Variants in SCD5 observed in about 807,000 individuals in gnomAD.
The protein encoded by SCD5 is acyl-CoA-desaturase 4.
In SCD5, 20 loss-of-function variants were observed where a neutral mutation model predicts 30.4. That is an observed-to-expected ratio of 0.66 (90% CI 0.46 to 0.96). The LOEUF is 0.96. Ranked by LOEUF, SCD5 falls within the 40% of genes least tolerant of loss-of-function variation. The pLI is 0.00. For synonymous variants in SCD5, 173 were observed against 176.4 expected (o/e 0.98, Z 0.16); for missense variants, 381 against 443.3 (o/e 0.86, Z 1.26).
chr4:82,669,865 G>A lies in SCD5; in HGVS notation c.569+10842C>T, dbSNP rs138381693. 2.7e-3 allele frequency among the ~76,000 whole-genome samples: 408 copies of A among 152,270 alleles called. 1 individual carries two copies. The highest frequency in any genetic ancestry group is 0.022 in the Admixed American group (344 of 15,294). ...TATTTAGAGCCTAACCAACCTGGGGGAGGGAAAATACTCAACTCCAGCCCA... is the reference window on the plus strand; with the variant it reads ...TATTTAGAGCCTAACCAACCTGGGGAAGGGAAAATACTCAACTCCAGCCCA... On this transcript the variant is annotated intron_variant, in intron 3 of 4. Coordinates refer to ENST00000319540, the MANE Select transcript of SCD5 (RefSeq NM_001037582.3).
chr4:82,728,098 G>C (rs1000411310), intron 1 of SCD5, among the ~76,000 whole-genome samples: 27 of 151,990 alleles, frequency 1.8e-4, no homozygotes, highest in Admixed American at 5.9e-4. Flanking sequence ...GTTAGCCTGG[G>C]TGACAGAGTG....
At chr4:82,790,074 G>C (rs1229366667) in intron 1 of SCD5, among the ~76,000 whole-genome samples, 1 of 152,096 alleles carries the variant, frequency 6.6e-6, no homozygotes, top group African/African-American at 2.4e-5. Context: ...CCTGAGGCAG[G>C]CACTCAGCCC....
chr4:82,634,478 C>T (rs764766166), intron 4 of SCD5, among the ~76,000 whole-genome samples: 2 of 129,266 alleles, frequency 1.5e-5, no homozygotes, highest in Non-Finnish European at 3.6e-5. Flanking sequence ...CTACCCTGCA[C>T]ACCACCTCCC....
At chr4:82,678,039 C>T (rs1165989275) in intron 3 of SCD5, among the ~76,000 whole-genome samples, 1 of 152,032 alleles carries the variant, frequency 6.6e-6, no homozygotes, top group East Asian at 1.9e-4. Context: ...TATTCCTCTA[C>T]CTTAATCATT....
chr4:82,770,692 T>C (rs1025262346), intron 1 of SCD5, among the ~76,000 whole-genome samples: 1 of 152,254 alleles, frequency 6.6e-6, no homozygotes, highest in Non-Finnish European at 1.5e-5. Flanking sequence ...CCTTGGCTCT[T>C]ACCGTTCCTA....
Position 82,736,361 on chromosome 4 carries a change from CA to C in SCD5, c.233-30949del, listed in dbSNP as rs1209992894. Among the ~76,000 whole-genome samples the C allele has an allele frequency of 8.9e-3, 1,350 of 152,100 alleles. 21 individuals carry two copies. The highest frequency in any genetic ancestry group is 0.031 in the African/African-American group (1,300 of 41,484). ...CAGTGGCTCACATCTGTAATCCCAG[CA>C]CTTTGAGAGGCTGAGGCAGGTGGAT... is the stretch of plus-strand genomic sequence containing the variant. On this transcript the variant is annotated intron_variant, in intron 1 of 4. Coordinates refer to ENST00000319540, the MANE Select transcript of SCD5 (RefSeq NM_001037582.3).
intron 1 of SCD5, among the ~76,000 whole-genome samples, chr4:82,790,366 G>A (rs908999302): frequency 6.6e-6 from 1 of 152,166 alleles, no homozygotes; most frequent in Non-Finnish European, 1.5e-5. Flanking sequence ...CCTCCAGCAC[G>A]TCTCCCTCTC....
At chr4:82,721,500 T>C (rs191487625) in intron 1 of SCD5, among the ~76,000 whole-genome samples, 2 of 151,952 alleles carry the variant, frequency 1.3e-5, no homozygotes, top group Non-Finnish European at 2.9e-5. Flanking sequence ...GACGTGGAGG[T>C]AGGGTGTTTA....
chr4:82,730,526 G>A (rs1720614031), intron 1 of SCD5, among the ~76,000 whole-genome samples: 1 of 149,442 alleles, frequency 6.7e-6, no homozygotes, highest in South Asian at 2.1e-4. Flanking sequence ...TTGATCTCCT[G>A]ACATCATGAT....
chr4:82,650,859 T>C (rs2148814690), intron 3 of SCD5, among the ~76,000 whole-genome samples: 1 of 151,754 alleles, frequency 6.6e-6, no homozygotes, highest in Admixed American at 6.6e-5. Context: ...ATAAAATATA[T>C]GCATATTTGT....
intron 1 of SCD5, among the ~76,000 whole-genome samples, chr4:82,767,458 A>T (rs1721517314): frequency 6.6e-6 from 1 of 152,132 alleles, no homozygotes; most frequent in African/African-American, 2.4e-5. Context: ...CTATCAGGGC[A>T]ATTGTAGGCT....
chr4:82,702,058 T>C (rs1301211651), intron 2 of SCD5, among the ~76,000 whole-genome samples: 1 of 149,340 alleles, frequency 6.7e-6, no homozygotes, highest in African/African-American at 2.5e-5. Flanking sequence ...CTTTGCTGAA[T>C]ACAAGCGTTC....
chr4:82,655,309 G>A (rs935128903), intron 3 of SCD5, among the ~76,000 whole-genome samples: 1 of 152,122 alleles, frequency 6.6e-6, no homozygotes, highest in South Asian at 2.1e-4. Flanking sequence ...TCACAGGTAT[G>A]AACAAAGCAA....
At chr4:82,796,628 T>G (rs933499827) in intron 1 of SCD5, among the ~76,000 whole-genome samples, 3 of 152,054 alleles carry the variant, frequency 2.0e-5, no homozygotes, top group Non-Finnish European at 2.9e-5. Context: ...AGATAATATT[T>G]TAAGTGCTCA....
intron 1 of SCD5, chr4:82,753,549 G>C (rs1394814363): frequency 1.4e-5 from 6 of 415,852 alleles, no homozygotes; most frequent in Non-Finnish European, 3.0e-5. Context: ...TGCGGGGAAG[G>C]GTTTCAGGTT....
At chr4:82,652,747 T>C (rs1209684183) in intron 3 of SCD5, among the ~76,000 whole-genome samples, 1 of 152,218 alleles carries the variant, frequency 6.6e-6, no homozygotes, top group African/African-American at 2.4e-5. Context: ...ATTAGAACTT[T>C]AAATTTTCAA....
chr4:82,771,164 T>C (rs1300914526), intron 1 of SCD5, among the ~76,000 whole-genome samples: 1 of 152,110 alleles, frequency 6.6e-6, no homozygotes, highest in Non-Finnish European at 1.5e-5. Context: ...AGACTAGGTT[T>C]TGCCATATTG....
At chr4:82,660,969 T>C (rs752900621) in intron 3 of SCD5, 1 of 1,614,220 alleles carries the variant, frequency 6.2e-7, no homozygotes, top group South Asian at 1.1e-5. Flanking sequence ...CTAAAATGTG[T>C]AATCCGGGAA....
intron 2 of SCD5, among the ~76,000 whole-genome samples, chr4:82,692,754 A>G (rs1399659775): frequency 6.6e-6 from 1 of 152,174 alleles, no homozygotes; most frequent in East Asian, 1.9e-4. Flanking sequence ...CCCAGCCTGA[A>G]CCTGAGATGT....
Sources: gnomAD v4.1 joint callset for allele counts (sites outside exome capture counted in the v4.1 genomes callset) on GRCh38, gnomAD v4.1.1 for gene constraint, MANE v1.5 for transcripts, NCBI Gene and HGNC (gene_info 2026-07-23, HGNC 2026-07-21) for gene names.